Variants in SEC14L5 observed in about 807,000 individuals in gnomAD.
SEC14L5 encodes SEC14-like protein 5.
In SEC14L5, 96 loss-of-function variants were observed where a neutral mutation model predicts 84.6. That is an observed-to-expected ratio of 1.13 (90% CI 0.96 to 1.34). SEC14L5 has a LOEUF of 1.34. SEC14L5 is among the 40% of genes most tolerant of loss of function. The pLI is 0.00. For synonymous variants in SEC14L5, 546 were observed against 383.4 expected (o/e 1.42, Z -4.95); for missense variants, 1,224 against 942.5 (o/e 1.30, Z -3.91).
At chr16:4,964,205 G>A (rs1568100473) in intron 2 of SEC14L5, among the ~76,000 whole-genome samples, 2 of 152,146 alleles carry the variant, frequency 1.3e-5, no homozygotes, top group South Asian at 4.1e-4. Flanking sequence ...AAGGCCATGT[G>A]GCTCAGGTCG....
chr16:4,987,752 G>A (rs2972260), intron 3 of SEC14L5, 46 bp downstream of exon 3: 1 of 1,386,398 alleles, frequency 7.2e-7, no homozygotes, highest in South Asian at 1.5e-5. Flanking sequence ...ACCTGTTGCG[G>A]AGGTGCGGGA....
chr16:5,008,110 T>A (rs993313062), intron 13 of SEC14L5, among the ~76,000 whole-genome samples: 16 of 151,796 alleles, frequency 1.1e-4, no homozygotes, highest in Admixed American at 9.8e-4. Context: ...GAGATGGGGT[T>A]TCACCATGTT....
chr16:5,011,217 C>T lies in SEC14L5; in HGVS notation c.1923C>T (p.Pro641=), dbSNP rs148186772. 8.8e-4 allele frequency: 1,420 copies of T among 1,613,884 alleles called. 12 individuals carry two copies. The African/African-American group carries it at 0.016, about 18-fold the overall frequency. Residue 641 remains proline, a synonymous_variant, in exon 15 of 16, where the codon CCC becomes CCT. Transcript: ENST00000251170. ...VDDVLTALHS[P]GPKCKLLYYC... is the part of the protein sequence containing the mutation. ...ATGTCCTGACGGCTCTGCACAGCCCCGGGCCCAAGTGCAAACTTCTCTACT... is the reference window on the plus strand; with the variant it reads ...ATGTCCTGACGGCTCTGCACAGCCCTGGGCCCAAGTGCAAACTTCTCTACT...
At chr16:4,980,913 G>A (rs902427169) in intron 2 of SEC14L5, among the ~76,000 whole-genome samples, 12 of 152,052 alleles carry the variant, frequency 7.9e-5, no homozygotes, top group African/African-American at 2.9e-4. Context: ...ATTGATCAGC[G>A]TTCCAAGCAT....
intron 6 of SEC14L5, among the ~76,000 whole-genome samples, chr16:4,996,000 G>C (rs538140545): frequency 1.3e-5 from 2 of 152,232 alleles, no homozygotes; most frequent in African/African-American, 4.8e-5. Context: ...AGTGAGACCA[G>C]GTGGCTTCTG....
Position 4,987,622 on chromosome 16 carries a change from C to T in SEC14L5, c.129C>T (p.Arg43=), listed in dbSNP as rs754782086. The T allele has an allele frequency of 1.6e-5, 25 of 1,558,222 alleles. No homozygotes were observed. The East Asian group carries it at 2.4e-4, about 15-fold the overall frequency. Residue 43 remains arginine (R), a synonymous_variant, in exon 3 of 16, where the codon CGC becomes CGT. Transcript: ENST00000251170. ...IPVFLGSEVL[R]ESRSPDGAVH... ...TCTTCCTGGGCAGCGAGGTCTTGCG[C>T]GAGTCCCGCAGCCCGGACGGGGCTG...
At chr16:5,006,511 C>T (rs1005984270) in intron 12 of SEC14L5, among the ~76,000 whole-genome samples, 1 of 152,270 alleles carries the variant, frequency 6.6e-6, no homozygotes, top group Non-Finnish European at 1.5e-5. Context: ...TCAAGGGAGG[C>T]AGTGTCCAGG....
chr16:5,001,819 C>T (rs556850979), intron 10 of SEC14L5, among the ~76,000 whole-genome samples: 99 of 152,170 alleles, frequency 6.5e-4, no homozygotes, highest in African/African-American at 2.3e-3. Context: ...GTCACCCAAG[C>T]TGGAGTGCAG....
chr16:4,959,231 C>A (rs78937023), intron 1 of SEC14L5, 42 bp from the exon 2 acceptor site: 2 of 953,858 alleles, frequency 2.1e-6, no homozygotes, highest in East Asian at 2.4e-5. Context: ...CCCTGCTTCC[C>A]GAGGTGGGAG....
At position 4,958,449 on chromosome 16, in the gene SEC14L5, C is replaced by G. The variant is rs1955078019; in HGVS notation, c.-52+4C>G. 7.0e-6 allele frequency: 1 copy of G among 142,484 alleles called. No homozygotes were observed. The highest frequency in any genetic ancestry group is 1.5e-5 in the Non-Finnish European group (1 of 66,210). 8.8% of individuals were successfully genotyped at this position (142,484 alleles called of 1,614,324 possible). ...CCGCGATCGGGCCCCGCCTCAGGTA[C>G]TGCGCTCCAGGCCAGGCGGGCGCGG... On this transcript the variant is annotated splice_donor_region_variant and intron_variant, in intron 1 of 15. Coordinates refer to ENST00000251170, the MANE Select transcript of SEC14L5 (RefSeq NM_014692.2).
chr16:4,965,660 CAAAAAAAAAAAAAAA>C (rs34483309), intron 2 of SEC14L5, among the ~76,000 whole-genome samples: 4 of 53,108 alleles, frequency 7.5e-5, no homozygotes, highest in Middle Eastern at 0.025. Context: ...GACTCCATCT[CAAAAAAAAAAAAAAA>C]AAAAAAAAAA....
At position 5,017,507 on chromosome 16, in the gene SEC14L5, A is replaced by G. The variant is rs746891006; in HGVS notation, c.*2537A>G. On this transcript the variant is annotated 3_prime_UTR_variant, in exon 16 of 16. Transcript: ENST00000251170. ...GATGGCTGCCAGCAGCCCCAAGCCT[A>G]TAATTTCAGGATTCACACTCTAAGA... The G allele has an allele frequency of 8.5e-5, 13 of 152,348 alleles. No homozygotes were observed. The highest frequency in any genetic ancestry group is 2.6e-4 in the African/African-American group (11 of 41,568). The allele number at this position is 152,348 out of a possible 1,614,324, so 9.4% of individuals were successfully genotyped here.
At chr16:4,985,857 G>A (rs1226954479) in intron 2 of SEC14L5, among the ~76,000 whole-genome samples, 1 of 151,446 alleles carries the variant, frequency 6.6e-6, no homozygotes, top group Non-Finnish European at 1.5e-5. Context: ...TATGTGCACA[G>A]TCTATATAAA....
intron 2 of SEC14L5, among the ~76,000 whole-genome samples, chr16:4,977,865 A>T (rs912525494): frequency 4.6e-5 from 7 of 151,414 alleles, no homozygotes; most frequent in African/African-American, 1.7e-4. Context: ...CAGTGGCATG[A>T]TCTCGGCTCA....
At chr16:5,000,525 G>A in intron 8 of SEC14L5, 130 bp from the exon 9 acceptor site, 1 of 672,970 alleles carries the variant, frequency 1.5e-6, no homozygotes, top group Non-Finnish European at 2.6e-6. Flanking sequence ...GTTAGTAAGT[G>A]AAGGCTGGAT....
At chr16:5,014,572 C>G (rs1955848853) in intron 15 of SEC14L5, among the ~76,000 whole-genome samples, 1 of 152,222 alleles carries the variant, frequency 6.6e-6, no homozygotes, top group African/African-American at 2.4e-5. Flanking sequence ...AGACTGGAGA[C>G]AGGGCCGGGG....
chr16:4,990,738 C>A, intron 4 of SEC14L5, 29 bp from the exon 5 acceptor site: 1 of 1,589,138 alleles, frequency 6.3e-7, no homozygotes, highest in South Asian at 1.1e-5. Flanking sequence ...GACATTGAGT[C>A]CCTGGCATGA....
At chr16:5,007,028 C>T (rs546702607) in intron 12 of SEC14L5, among the ~76,000 whole-genome samples, 35 of 152,070 alleles carry the variant, frequency 2.3e-4, no homozygotes, top group Middle Eastern at 3.2e-3. Flanking sequence ...GCTGTCAGTC[C>T]GGCACCGGGG....
At chr16:4,988,384 C>T (rs1297142317) in intron 4 of SEC14L5, 104 bp downstream of exon 4, 94 of 1,397,180 alleles carry the variant, frequency 6.7e-5, no homozygotes, top group Non-Finnish European at 8.7e-5. Context: ...CTCTGCCAAG[C>T]CCTCCCTCCT....
Sources: gnomAD v4.1 joint callset for allele counts (sites outside exome capture counted in the v4.1 genomes callset) on GRCh38, gnomAD v4.1.1 for gene constraint, MANE v1.5 for transcripts, NCBI Gene and HGNC (gene_info 2026-07-23, HGNC 2026-07-21) for gene names.